Variants in TCF7L1 observed in about 807,000 individuals in gnomAD.
The protein encoded by TCF7L1 is transcription factor 7 like 1.
A neutral mutation model predicts 63.7 loss-of-function variants in TCF7L1; 18 were observed. The observed-to-expected ratio is 0.28, with a 90% CI of 0.20 to 0.42. The LOEUF (loss-of-function observed/expected upper bound fraction) is 0.42, where lower values mean the gene tolerates loss of function less well. TCF7L1 is among the 10% of genes least tolerant of loss of function. The pLI, the probability that TCF7L1 is intolerant of heterozygous loss-of-function variation, is 1.00. For synonymous variants in TCF7L1, 355 were observed against 340.9 expected (o/e 1.04, Z -0.46); for missense variants, 654 against 779.3 (o/e 0.84, Z 1.91).
chr2:85,180,224 T>G (rs866651869), intron 3 of TCF7L1, among the ~76,000 whole-genome samples: 4,627 of 150,070 alleles, frequency 0.031, 251 homozygotes, highest in African/African-American at 0.11. Context: ...TTTTTTTTGT[T>G]TTTGTTTTTG....
At chr2:85,170,197 G>A (rs1448521234) in intron 3 of TCF7L1, among the ~76,000 whole-genome samples, 1 of 152,166 alleles carries the variant, frequency 6.6e-6, no homozygotes, top group Non-Finnish European at 1.5e-5. Flanking sequence ...GTGGAGACTG[G>A]AGCTGACTTT....
At chr2:85,210,777 A>G (rs536810258) in intron 3 of TCF7L1, among the ~76,000 whole-genome samples, 1 of 152,308 alleles carries the variant, frequency 6.6e-6, no homozygotes, top group African/African-American at 2.4e-5. Context: ...CATTCTAAAC[A>G]TGTATGTTAA....
chr2:85,268,184 A>C (rs1681025748), intron 3 of TCF7L1, among the ~76,000 whole-genome samples: 1 of 152,172 alleles, frequency 6.6e-6, no homozygotes, highest in South Asian at 2.1e-4. Flanking sequence ...GGACTTTCCC[A>C]TTCCCTCTAT....
chr2:85,145,559 A>G (rs909373567), intron 3 of TCF7L1, among the ~76,000 whole-genome samples: 4 of 152,244 alleles, frequency 2.6e-5, no homozygotes, highest in African/African-American at 9.6e-5. Context: ...TTTGCAAGAC[A>G]TACCTTCTAG....
At chr2:85,177,120 T>C (rs1230618724) in intron 3 of TCF7L1, among the ~76,000 whole-genome samples, 2 of 151,678 alleles carry the variant, frequency 1.3e-5, no homozygotes, top group Admixed American at 1.3e-4. Context: ...CGGGTTTTGG[T>C]GAGGACCCTC....
At chr2:85,275,313 G>A (rs1298054946) in intron 3 of TCF7L1, among the ~76,000 whole-genome samples, 2 of 152,136 alleles carry the variant, frequency 1.3e-5, no homozygotes, top group African/African-American at 2.4e-5. Context: ...TGGCTTCTGC[G>A]GGGGAGCCAG....
chr2:85,256,036 A>G (rs914297207), intron 3 of TCF7L1, among the ~76,000 whole-genome samples: 3 of 152,162 alleles, frequency 2.0e-5, no homozygotes, highest in African/African-American at 7.2e-5. Flanking sequence ...AGCATTGTCC[A>G]TGTGTGAGGC....
At chr2:85,175,010 G>A (rs1223857280) in intron 3 of TCF7L1, among the ~76,000 whole-genome samples, 1 of 152,082 alleles carries the variant, frequency 6.6e-6, no homozygotes, top group African/African-American at 2.4e-5. Context: ...TCGTTGATTT[G>A]CCTTATGGCC....
At position 85,134,329 on chromosome 2, in the gene TCF7L1, G is replaced by T. The variant is rs1411882791; in HGVS notation, c.320G>T (p.Arg107Met). 1 of 1,584,200 alleles carries T rather than the reference G, an allele frequency of 6.3e-7. No individual in the cohort carries two copies. The highest frequency in any genetic ancestry group is 1.3e-5 in the African/African-American group (1 of 74,346). The change falls in exon 3 of 12, where the codon AGG becomes ATG. Residue 107 changes from arginine (R) to methionine (M), a missense_variant. Transcript: ENST00000282111. The surrounding 1 kb of genome is among the most constrained non-coding windows in gnomAD (Gnocchi z 5.0). ...GCCTTGGTCTTGTTCGCAGTGAGAA[G>T]GCCTCAGGACAGCGCGTTCTTTAAA... ...KPRDYFAEVR[R>M]PQDSAFFKGP...
intron 3 of TCF7L1, among the ~76,000 whole-genome samples, chr2:85,280,380 G>A (rs962103142): frequency 6.6e-6 from 1 of 152,122 alleles, no homozygotes; most frequent in African/African-American, 2.4e-5. Flanking sequence ...CCTACAAGCC[G>A]ACTCTGCCAG....
chr2:85,252,468 G>A (rs941124220), intron 3 of TCF7L1, among the ~76,000 whole-genome samples: 7 of 152,064 alleles, frequency 4.6e-5, no homozygotes, highest in African/African-American at 1.7e-4. Flanking sequence ...CCAAGCCTCG[G>A]TGTGACCCAA....
intron 3 of TCF7L1, among the ~76,000 whole-genome samples, chr2:85,193,580 G>C (rs1679086278): frequency 6.6e-6 from 1 of 152,182 alleles, no homozygotes; most frequent in South Asian, 2.1e-4. Flanking sequence ...GGCAGCATTT[G>C]AATAAAGTCT....
chr2:85,210,478 A>G (rs953870636), intron 3 of TCF7L1, among the ~76,000 whole-genome samples: 1 of 152,232 alleles, frequency 6.6e-6, no homozygotes, highest in Admixed American at 6.5e-5. Context: ...GGAAAAGAAC[A>G]GGTAAAACTA....
intron 3 of TCF7L1, among the ~76,000 whole-genome samples, chr2:85,197,171 A>G (rs564015212): frequency 6.6e-6 from 1 of 152,334 alleles, no homozygotes; most frequent in African/African-American, 2.4e-5. Context: ...AGCACTTTGC[A>G]GGGCCGAGGA....
At chr2:85,278,981 G>C (rs6736348) in intron 3 of TCF7L1, among the ~76,000 whole-genome samples, 2 of 152,104 alleles carry the variant, frequency 1.3e-5, no homozygotes, top group African/African-American at 4.8e-5. Context: ...GTTACATTCC[G>C]GTGGGCATCC....
chr2:85,195,223 G>A (rs1679127281), intron 3 of TCF7L1, among the ~76,000 whole-genome samples: 1 of 152,230 alleles, frequency 6.6e-6, no homozygotes, highest in East Asian at 1.9e-4. Flanking sequence ...ACCTAATAGG[G>A]TTGTCATGGA....
At chr2:85,176,027 A>C (rs117095784) in intron 3 of TCF7L1, among the ~76,000 whole-genome samples, 1 of 152,328 alleles carries the variant, frequency 6.6e-6, no homozygotes, top group East Asian at 1.9e-4. Context: ...AATATTTACT[A>C]GCTTTTGTAG....
chr2:85,160,407 T>G (rs1231845008), intron 3 of TCF7L1, among the ~76,000 whole-genome samples: 1 of 152,166 alleles, frequency 6.6e-6, no homozygotes, highest in Non-Finnish European at 1.5e-5. Context: ...GTATTTTTAG[T>G]AGAGATGGGG....
chr2:85,199,533 G>C (rs1172710564), intron 3 of TCF7L1, among the ~76,000 whole-genome samples: 1 of 152,120 alleles, frequency 6.6e-6, no homozygotes, highest in Non-Finnish European at 1.5e-5. Context: ...GGGAGCTTTT[G>C]AAAACACCAG....
Sources: allele counts gnomAD v4.1 joint callset (sites outside exome capture counted in the v4.1 genomes callset), GRCh38; gene constraint gnomAD v4.1.1; non-coding constraint Gnocchi (gnomAD v3.1); transcripts MANE v1.5; gene names NCBI Gene and HGNC (gene_info 2026-07-23, HGNC 2026-07-21).